Variants in BFSP1 observed in about 807,000 individuals in gnomAD.
BFSP1 encodes beaded filament structural protein 1, also known as filensin.
Under a neutral mutation model 43.9 loss-of-function variants are expected in BFSP1, and 38 were observed. The ratio of observed to expected loss-of-function variants is 0.87; its 90% CI spans 0.67 to 1.14. BFSP1 has a LOEUF of 1.14. BFSP1 is among the 50% of genes most tolerant of loss of function. The probability of loss-of-function intolerance (pLI) is 0.00; values close to 1 mark genes in which losing one functional copy is unlikely to be tolerated. For missense variants in BFSP1, 850 were observed against 875.1 expected, an observed-to-expected ratio of 0.97 and a Z score of 0.36; for synonymous variants, 352 against 354.8, an observed-to-expected ratio of 0.99 and a Z score of 0.09.
At chr20:17,528,934 A>G (rs2034475645) in intron 1 of BFSP1, among the ~76,000 whole-genome samples, 1 of 152,196 alleles carries the variant, frequency 6.6e-6, no homozygotes, top group South Asian at 2.1e-4. Context: ...GGCTGGAATG[A>G]CCAGTGGCAC....
chr20:17,504,442 C>A (rs559195370), intron 5 of BFSP1, among the ~76,000 whole-genome samples: 1 of 152,140 alleles, frequency 6.6e-6, no homozygotes, highest in Non-Finnish European at 1.5e-5. Context: ...CCACTGCCAC[C>A]CAGCACCAGC....
chr20:17,498,098 G>A (rs1483409267), intron 6 of BFSP1, among the ~76,000 whole-genome samples: 2 of 152,234 alleles, frequency 1.3e-5, no homozygotes, highest in East Asian at 3.8e-4. Context: ...GCGAAGGGAA[G>A]AGCTGCTCCT....
intron 1 of BFSP1, among the ~76,000 whole-genome samples, chr20:17,553,816 C>CATATATATAT (rs1568717907): frequency 8.4e-5 from 8 of 95,422 alleles, no homozygotes; most frequent in South Asian, 3.2e-4. Context: ...CACACACACA[C>CATATATATAT]ACACACACAT....
intron 4 of BFSP1, 69 bp from the exon 5 acceptor site, chr20:17,509,065 GC>G: frequency 8.5e-7 from 1 of 1,170,674 alleles, no homozygotes; most frequent in South Asian, 1.7e-5. Flanking sequence ...AAGGTGCGGG[GC>G]CCTGGTATGG....
rs930566363 is a variant in BFSP1, at chr20:17,558,709, C to T, written c.-20G>A. ...TTACATACTTTCTCCAGCATGGAGG[C>T]TCCTTCTGTGAAATTTGAAAATCCA... On this transcript the variant is annotated 5_prime_UTR_variant, in exon 1 of 8. Coordinates refer to the BFSP1 transcript ENST00000377868. 7 of 1,551,948 alleles carry T rather than the reference C, an allele frequency of 4.5e-6. No individual in the cohort carries two copies. The East Asian group carries it at 1.5e-4, about 33-fold the overall frequency.
At chr20:17,558,554 C>T in intron 1 of BFSP1, 1 of 935,448 alleles carries the variant, frequency 1.1e-6, no homozygotes, top group East Asian at 2.7e-5. Context: ...TTAGAAATTT[C>T]CATGAGTCAT....
chr20:17,561,185 G>A (rs16999416), upstream of BFSP1, among the ~76,000 whole-genome samples: 15,294 of 152,190 alleles, frequency 0.1, 883 homozygotes, highest in African/African-American at 0.14. Context: ...TACAACAACC[G>A]GATCAGAAGT....
intron 2 of BFSP1, among the ~76,000 whole-genome samples, chr20:17,522,567 T>C: frequency 6.6e-6 from 1 of 152,244 alleles, no homozygotes; most frequent in East Asian, 1.9e-4. Context: ...CAGGTAATCA[T>C]AAAAAATTCA....
chr20:17,508,365 C>T (rs1028049000), intron 5 of BFSP1, among the ~76,000 whole-genome samples: 2 of 152,178 alleles, frequency 1.3e-5, no homozygotes, highest in African/African-American at 4.8e-5. Flanking sequence ...GAAATGTGAG[C>T]TTTCCACCAA....
rs1374545365 is a variant in BFSP1, at chr20:17,531,209, G to A, written c.121C>T (p.Leu41=). ...TCGCCGAGCCCCTGCAGCGCCGCCA[G>A]GCTCGTTGCCCCAGCCCAGCCCTCG... The part of the protein sequence containing the change: ...ADEGWAGATS[L]AALQGLGERV... Residue 41 remains leucine (L), a synonymous_variant, in exon 1 of 8, where the codon CTG becomes TTG. Coordinates refer to ENST00000377873, the MANE Select transcript of BFSP1 (RefSeq NM_001195.5). 8 of 1,323,148 alleles carry A rather than the reference G, an allele frequency of 6.0e-6. No individual in the cohort carries two copies. The Admixed American group carries it at 1.8e-4, about 30-fold the overall frequency. The allele number at this position is 1,323,148 out of a possible 1,614,324, so 82.0% of individuals were successfully genotyped here.
chr20:17,506,605 C>T (rs2033944648), intron 5 of BFSP1, among the ~76,000 whole-genome samples: 1 of 151,052 alleles, frequency 6.6e-6, no homozygotes, highest in African/African-American at 2.4e-5. Flanking sequence ...CTCACTGCAG[C>T]CTCAACCTCT....
At chr20:17,554,843 A>T (rs112006820) in intron 1 of BFSP1, among the ~76,000 whole-genome samples, 67 of 152,374 alleles carry the variant, frequency 4.4e-4, no homozygotes, top group African/African-American at 1.5e-3. Flanking sequence ...GAAAATTAAG[A>T]GGAAAAGTAT....
upstream of BFSP1, among the ~76,000 whole-genome samples, chr20:17,532,716 GTAAAT>G (rs2034567820): frequency 6.6e-6 from 1 of 151,754 alleles, no homozygotes; most frequent in African/African-American, 2.4e-5. Flanking sequence ...AAATTTAAAA[GTAAAT>G]TTAAGAAAAG....
intron 2 of BFSP1, among the ~76,000 whole-genome samples, chr20:17,517,514 C>T (rs1039273377): frequency 6.6e-6 from 1 of 152,178 alleles, no homozygotes; most frequent in African/African-American, 2.4e-5. Context: ...GAACTCCTGA[C>T]CTCAGGTGAT....
chr20:17,568,500 G>A (rs548568510), intron 1 of BFSP1, among the ~76,000 whole-genome samples: 2 of 152,090 alleles, frequency 1.3e-5, no homozygotes, highest in African/African-American at 4.8e-5. Context: ...TCTCGGACTG[G>A]CATCTTCAGC....
At chr20:17,560,101 G>A (rs1178810697), upstream of BFSP1, among the ~76,000 whole-genome samples, 1 of 151,760 alleles carries the variant, frequency 6.6e-6, no homozygotes, top group Non-Finnish European at 1.5e-5. Flanking sequence ...CATCCCTCCT[G>A]CTACCCCCGA....
chr20:17,516,182 C>T (rs1172140592), intron 2 of BFSP1, among the ~76,000 whole-genome samples: 1 of 152,108 alleles, frequency 6.6e-6, no homozygotes, highest in Non-Finnish European at 1.5e-5. Flanking sequence ...ACAAAATTAG[C>T]TGGGCATGGT....
chr20:17,545,734 T>C (rs1038602487), intron 1 of BFSP1, among the ~76,000 whole-genome samples: 47 of 152,242 alleles, frequency 3.1e-4, no homozygotes, highest in Non-Finnish European at 1.0e-4. Context: ...TAACAAGATA[T>C]GCTTTCAAGA....
intron 5 of BFSP1, among the ~76,000 whole-genome samples, chr20:17,501,681 A>C (rs2033805720): frequency 1.3e-5 from 2 of 151,830 alleles, no homozygotes; most frequent in South Asian, 4.2e-4. Context: ...TACGTGTGCT[A>C]AGCACTTTGG....
Sources: allele counts gnomAD v4.1 joint callset (sites outside exome capture counted in the v4.1 genomes callset), GRCh38; gene constraint gnomAD v4.1.1; transcripts MANE v1.5; gene names NCBI Gene and HGNC (gene_info 2026-07-23, HGNC 2026-07-21).